NUDCD1: variants seen among roughly 807,000 people sequenced by gnomAD.
The protein encoded by NUDCD1 is NudC domain containing 1.
In NUDCD1, 60 loss-of-function variants were observed where a neutral mutation model predicts 67.8. The ratio of observed to expected loss-of-function variants is 0.88; its 90% CI spans 0.72 to 1.10. The LOEUF is 1.10. NUDCD1 is among the 50% of genes least tolerant of loss of function. NUDCD1 has a pLI of 0.00. For synonymous variants in NUDCD1, 244 were observed against 230.8 expected, an observed-to-expected ratio of 1.06 and a Z score of -0.52; for missense variants, 643 against 695.0, an observed-to-expected ratio of 0.93 and a Z score of 0.84.
intron 8 of NUDCD1, among the ~76,000 whole-genome samples, chr8:109,266,418 G>A (rs1373504131): frequency 3.4e-5 from 2 of 58,540 alleles, no homozygotes; most frequent in Admixed American, 2.0e-4. Flanking sequence ...TTTTTTTTTC[G>A]TATTTTCAGT....
Position 109,291,122 on chromosome 8 carries a change from T to C in NUDCD1, c.641-1189A>G, listed in dbSNP as rs184896056. 1.5e-4 allele frequency among the ~76,000 whole-genome samples: 23 copies of C among 152,284 alleles called. No homozygotes were observed. In the East Asian group the frequency reaches 3.9e-3, roughly 26 times the overall value. ...TCAAAAACCGGATTCCGTGGTTAAATATGTGGAGAAATGCTAGGTTAAAAT... is the reference window on the plus strand; with the variant it reads ...TCAAAAACCGGATTCCGTGGTTAAACATGTGGAGAAATGCTAGGTTAAAAT... On this transcript the variant is annotated intron_variant, in intron 4 of 9. Coordinates refer to ENST00000239690, the MANE Select transcript of NUDCD1 (RefSeq NM_032869.4).
At chr8:109,330,638 C>A (rs1815784245) in intron 1 of NUDCD1, among the ~76,000 whole-genome samples, 1 of 152,190 alleles carries the variant, frequency 6.6e-6, no homozygotes. Flanking sequence ...AGCTTTTCAA[C>A]TCCCGTATCT....
chr8:109,294,309 A>C (rs1376489874), intron 3 of NUDCD1, among the ~76,000 whole-genome samples: 1 of 152,144 alleles, frequency 6.6e-6, no homozygotes, highest in Non-Finnish European at 1.5e-5. Flanking sequence ...CCTTACAAAG[A>C]AAAATGTGCT....
chr8:109,249,723 C>T (rs1813579229), intron 8 of NUDCD1, among the ~76,000 whole-genome samples: 1 of 151,978 alleles, frequency 6.6e-6, no homozygotes, highest in African/African-American at 2.4e-5. Context: ...AAACCAAGTA[C>T]CTTAAAGTTT....
rs781734695 is a variant in NUDCD1, at chr8:109,334,022, G to T, written c.-12C>A. ...GCCGCCACCTCCATCGCTTTCCAGGGCCGCAGCGTGAGAATTAATAAAGCC... is the reference window on the plus strand; with the variant it reads ...GCCGCCACCTCCATCGCTTTCCAGGTCCGCAGCGTGAGAATTAATAAAGCC... On this transcript the variant is annotated 5_prime_UTR_variant, in exon 1 of 10. Coordinates refer to ENST00000239690, the MANE Select transcript of NUDCD1 (RefSeq NM_032869.4). 3.1e-6 allele frequency: 5 copies of T among 1,613,984 alleles called. No individual in the cohort carries two copies. In the African/African-American group the frequency reaches 5.3e-5, roughly 17 times the overall value.
intron 2 of NUDCD1, among the ~76,000 whole-genome samples, chr8:109,319,412 T>G (rs1485440495): frequency 1.3e-5 from 2 of 152,232 alleles, no homozygotes; most frequent in African/African-American, 2.4e-5. Context: ...CTAAATTAGC[T>G]GGCCTTGTGC....
At chr8:109,263,069 A>AAAAAAC (rs1813906765) in intron 8 of NUDCD1, among the ~76,000 whole-genome samples, 1 of 150,094 alleles carries the variant, frequency 6.7e-6, no homozygotes, top group Non-Finnish European at 1.5e-5. Context: ...AAAAAAAAAA[A>AAAAAAC]AAAAAAAAAA....
chr8:109,275,453 G>A lies in NUDCD1; in HGVS notation c.1072C>T (p.Pro358Ser), dbSNP rs1407983210. Residue 358 changes from proline to serine, a missense_variant, in exon 7 of 10, where the codon CCA becomes TCA. Pro to Ser is a moderately conservative substitution (Grantham distance 74). Coordinates refer to ENST00000239690, the MANE Select transcript of NUDCD1 (RefSeq NM_032869.4). ...LIKKNEGLTW[P>S]ELVIGDKQGE... ...TGTTTATCTCCAATTACTAGCTCTG[G>A]CCAGGTCAGTCCTTCATTCTTCTTA... The A allele has an allele frequency of 1.9e-6, 3 of 1,613,362 alleles. 1 individual carries two copies. The South Asian group carries it at 3.3e-5, about 18-fold the overall frequency.
chr8:109,247,828 TTATCA>T (rs1333452769), intron 8 of NUDCD1, among the ~76,000 whole-genome samples: 3 of 152,158 alleles, frequency 2.0e-5, no homozygotes, highest in African/African-American at 7.2e-5. Flanking sequence ...ATCAAATTAT[TTATCA>T]TATTATATTA....
At chr8:109,298,385 G>A (rs1208936245) in intron 2 of NUDCD1, among the ~76,000 whole-genome samples, 2 of 152,134 alleles carry the variant, frequency 1.3e-5, no homozygotes, top group African/African-American at 2.4e-5. Context: ...GCATGATGTG[G>A]TATTTCCAGT....
intron 6 of NUDCD1, among the ~76,000 whole-genome samples, chr8:109,280,072 T>C (rs565192383): frequency 6.6e-6 from 1 of 152,234 alleles, no homozygotes; most frequent in South Asian, 2.1e-4. Context: ...TTATCCTTCA[T>C]ATATATTTCT....
chr8:109,328,550 G>C (rs1317762425), intron 1 of NUDCD1, among the ~76,000 whole-genome samples: 1 of 152,162 alleles, frequency 6.6e-6, no homozygotes, highest in Non-Finnish European at 1.5e-5. Context: ...GGGTTGAAGA[G>C]AAATCCTGGG....
intron 8 of NUDCD1, among the ~76,000 whole-genome samples, chr8:109,248,994 G>C (rs1813563365): frequency 6.6e-6 from 1 of 152,090 alleles, no homozygotes; most frequent in East Asian, 1.9e-4. Flanking sequence ...CTAATAAAAA[G>C]AAATTGTGTA....
chr8:109,302,938 G>GTA (rs1815023407), intron 2 of NUDCD1, among the ~76,000 whole-genome samples: 1 of 152,104 alleles, frequency 6.6e-6, no homozygotes, highest in African/African-American at 2.4e-5. Flanking sequence ...CTTTCAAGAT[G>GTA]TACAATAATA....
chr8:109,243,887 A>G (rs1006425158), intron 9 of NUDCD1, among the ~76,000 whole-genome samples: 2 of 152,114 alleles, frequency 1.3e-5, no homozygotes, highest in African/African-American at 4.8e-5. Context: ...TTTAGCCCCC[A>G]CAAGTAGAAT....
intron 8 of NUDCD1, among the ~76,000 whole-genome samples, chr8:109,262,966 A>G (rs1166081603): frequency 6.9e-6 from 1 of 144,062 alleles, no homozygotes; most frequent in African/African-American, 2.5e-5. Context: ...GAGGCAGGAG[A>G]ATCGCTTGAA....
Position 109,322,329 on chromosome 8 carries a change from T to C in NUDCD1, c.253A>G (p.Met85Val). The C allele has an allele frequency of 6.5e-7, 1 of 1,544,136 alleles. No individual in the cohort carries two copies. The highest frequency in any genetic ancestry group is 8.9e-7 in the Non-Finnish European group (1 of 1,123,222). ...VYYIDTLGRI[M>V]NLTVMLDTAL... ...CTTACCAGCATTACTGTTAAATTCA[T>C]AATTCTTCCAAGGGTATCAATATAG... The change falls in exon 2 of 10, where the codon ATG becomes GTG. Residue 85 changes from methionine to valine, a missense_variant. By Grantham distance (21) the Met-to-Val change is conservative. Transcript: ENST00000239690.
intron 1 of NUDCD1, among the ~76,000 whole-genome samples, chr8:109,326,701 C>T (rs1815689405): frequency 1.3e-5 from 2 of 152,088 alleles, no homozygotes; most frequent in South Asian, 4.1e-4. Context: ...AACATTTGCC[C>T]AAATACTTAC....
chr8:109,291,446 A>AAAC (rs1378551321), intron 4 of NUDCD1, among the ~76,000 whole-genome samples: 3 of 152,288 alleles, frequency 2.0e-5, no homozygotes, highest in African/African-American at 7.2e-5. Flanking sequence ...CATCTAACCT[A>AAAC]AACTTTTTTT....
Sources: allele counts gnomAD v4.1 joint callset (sites outside exome capture counted in the v4.1 genomes callset), GRCh38; gene constraint gnomAD v4.1.1; transcripts MANE v1.5; gene names NCBI Gene and HGNC (gene_info 2026-07-23, HGNC 2026-07-21).